Variants in NRXN3 observed in about 807,000 individuals in gnomAD.
NRXN3 encodes neurexin 3.
A neutral mutation model predicts 137.6 loss-of-function variants in NRXN3; 32 were observed. That is an observed-to-expected ratio of 0.23 (90% CI 0.18 to 0.31). NRXN3 has a LOEUF of 0.31. Ranked by LOEUF, NRXN3 falls within the 10% of genes least tolerant of loss-of-function variation. The probability of loss-of-function intolerance (pLI) is 1.00; values close to 1 mark genes in which losing one functional copy is unlikely to be tolerated. For synonymous variants in NRXN3, 798 were observed against 784.5 expected, an observed-to-expected ratio of 1.02 and a Z score of -0.29; for missense variants, 1,574 against 2,062.5, an observed-to-expected ratio of 0.76 and a Z score of 4.59.
chr14:78,586,944 GC>G (rs2097069818), intron 4 of NRXN3, among the ~76,000 whole-genome samples: 4 of 152,202 alleles, frequency 2.6e-5, no homozygotes, highest in Admixed American at 2.6e-4. Flanking sequence ...TATGCAACAT[GC>G]CCCTGATGCT....
chr14:78,245,229 G>A (rs944835076), intron 2 of NRXN3, among the ~76,000 whole-genome samples: 7 of 152,318 alleles, frequency 4.6e-5, no homozygotes, highest in African/African-American at 1.4e-4. Context: ...GGGCAGAACA[G>A]TGGTTCTCAA....
chr14:79,063,666 G>A (rs756200597), intron 15 of NRXN3, among the ~76,000 whole-genome samples: 5 of 152,152 alleles, frequency 3.3e-5, no homozygotes, highest in South Asian at 2.1e-4. Flanking sequence ...GTGACGAAGC[G>A]ATGTGCCATG....
intron 15 of NRXN3, among the ~76,000 whole-genome samples, chr14:79,130,585 G>A (rs1359965375): frequency 3.9e-5 from 6 of 152,104 alleles, no homozygotes; most frequent in South Asian, 2.1e-4. Context: ...TGGGTAACCC[G>A]ACCTTTCTCT....
chr14:78,652,773 A>G (rs911952218), intron 6 of NRXN3, among the ~76,000 whole-genome samples: 1 of 152,218 alleles, frequency 6.6e-6, no homozygotes, highest in Non-Finnish European at 1.5e-5. Context: ...TTGTTTGTCT[A>G]TTTATCTGAT....
chr14:79,855,066 T>C (rs1488717163), intron 20 of NRXN3, among the ~76,000 whole-genome samples: 3 of 152,160 alleles, frequency 2.0e-5, no homozygotes, highest in Non-Finnish European at 4.4e-5. Flanking sequence ...TTCATTTCTC[T>C]CAAGGATTTA....
chr14:79,133,928 C>CA (rs1358783118), intron 15 of NRXN3, among the ~76,000 whole-genome samples: 9 of 82,258 alleles, frequency 1.1e-4, no homozygotes, highest in African/African-American at 1.9e-4. Flanking sequence ...GATTCCATCT[C>CA]AAAAAAAAGA....
At chr14:78,994,097 G>A (rs1369943292) in intron 15 of NRXN3, among the ~76,000 whole-genome samples, 3 of 151,630 alleles carry the variant, frequency 2.0e-5, no homozygotes, top group East Asian at 1.9e-4. Flanking sequence ...CTTGTGATCC[G>A]CCTGCCTCGG....
At chr14:79,434,013 G>T in intron 15 of NRXN3, among the ~76,000 whole-genome samples, 1 of 152,118 alleles carries the variant, frequency 6.6e-6, no homozygotes, top group East Asian at 1.9e-4. Context: ...CTAAGGAATG[G>T]CACCCAGGAA....
chr14:78,444,952 GTGTT>G (rs1343022512), intron 4 of NRXN3, among the ~76,000 whole-genome samples: 1 of 137,528 alleles, frequency 7.3e-6, no homozygotes, highest in Non-Finnish European at 1.5e-5. Flanking sequence ...AAAAAAAGGA[GTGTT>G]TGAGTAAGGG....
chr14:78,448,885 C>T (rs2094485301), intron 4 of NRXN3, among the ~76,000 whole-genome samples: 1 of 152,150 alleles, frequency 6.6e-6, no homozygotes, highest in Non-Finnish European at 1.5e-5. Context: ...TGGGCTTCCA[C>T]ATTTGGGAAG....
At chr14:78,341,846 C>T (rs750130311) in intron 4 of NRXN3, among the ~76,000 whole-genome samples, 2 of 152,194 alleles carry the variant, frequency 1.3e-5, no homozygotes, top group Non-Finnish European at 2.9e-5. Context: ...ACAGTCTTTA[C>T]ATCCCAGAGT....
At chr14:78,231,923 T>G (rs1010405118) in intron 1 of NRXN3, among the ~76,000 whole-genome samples, 2 of 152,200 alleles carry the variant, frequency 1.3e-5, no homozygotes, top group African/African-American at 2.4e-5. Context: ...CAAATTGTCA[T>G]GGGTCTGGGT....
intron 7 of NRXN3, 54 bp downstream of exon 7, chr14:78,709,709 G>T: frequency 6.6e-7 from 1 of 1,518,512 alleles, no homozygotes; most frequent in Admixed American, 2.0e-5. Context: ...TAGCTTCTCA[G>T]TTTGTTTTTT....
At chr14:79,855,264 G>A (rs1316669813) in intron 20 of NRXN3, among the ~76,000 whole-genome samples, 1 of 152,122 alleles carries the variant, frequency 6.6e-6, no homozygotes, top group Non-Finnish European at 1.5e-5. Context: ...CATAAGATTG[G>A]TAAGAAGCAC....
chr14:79,004,840 T>C (rs2099549026), intron 15 of NRXN3, among the ~76,000 whole-genome samples: 2 of 152,196 alleles, frequency 1.3e-5, no homozygotes, highest in African/African-American at 4.8e-5. Context: ...GTTTCTTCTT[T>C]TAAGGTCACG....
At chr14:78,917,676 C>A (rs1009918020) in intron 10 of NRXN3, among the ~76,000 whole-genome samples, 6 of 151,876 alleles carry the variant, frequency 4.0e-5, no homozygotes, top group East Asian at 2.0e-4. Flanking sequence ...AGGATCCTGA[C>A]CTGGAGCACC....
chr14:78,468,392 A>C (rs73316474), intron 4 of NRXN3, among the ~76,000 whole-genome samples: 3,196 of 152,220 alleles, frequency 0.021, 105 homozygotes, highest in African/African-American at 0.07. Context: ...GCTTCCTCAC[A>C]TCTTTGAAGC....
At chr14:79,252,698 C>T (rs968831333) in intron 15 of NRXN3, among the ~76,000 whole-genome samples, 5 of 152,052 alleles carry the variant, frequency 3.3e-5, no homozygotes, top group Middle Eastern at 3.2e-3. Flanking sequence ...TTGAAAGCAG[C>T]GAATGAGACC....
At chr14:79,065,332 A>C (rs1201133788) in intron 15 of NRXN3, among the ~76,000 whole-genome samples, 2 of 152,102 alleles carry the variant, frequency 1.3e-5, no homozygotes, top group Non-Finnish European at 2.9e-5. Flanking sequence ...ACATTAGTTT[A>C]CGTATTAGCA....
Sources: gnomAD v4.1 joint callset for allele counts (sites outside exome capture counted in the v4.1 genomes callset) on GRCh38, gnomAD v4.1.1 for gene constraint, MANE v1.5 for transcripts, NCBI Gene and HGNC (gene_info 2026-07-23, HGNC 2026-07-21) for gene names.